Variants in RAVER2 observed in about 807,000 individuals in gnomAD.
RAVER2 encodes ribonucleoprotein PTB-binding 2.
A neutral mutation model predicts 78.1 loss-of-function variants in RAVER2; 46 were observed. The observed-to-expected ratio is 0.59, with a 90% confidence interval of 0.46 to 0.75. RAVER2 has a LOEUF of 0.75. Among genes scored for constraint, RAVER2 ranks in the 30% least tolerant of loss-of-function variants. The pLI, the probability that RAVER2 is intolerant of heterozygous loss-of-function variation, is 0.00. For synonymous variants in RAVER2, 311 were observed against 313.3 expected, an observed-to-expected ratio of 0.99 and a Z score of 0.08; for missense variants, 793 against 837.5, an observed-to-expected ratio of 0.95 and a Z score of 0.66.
At chr1:64,784,476 AT>A (rs909031925) in intron 4 of RAVER2, among the ~76,000 whole-genome samples, 23 of 151,782 alleles carry the variant, frequency 1.5e-4, no homozygotes, top group African/African-American at 5.1e-4. Flanking sequence ...TCCCTAACTT[AT>A]TTTTTCCCCC....
intron 3 of RAVER2, among the ~76,000 whole-genome samples, chr1:64,780,680 T>C (rs752292279): frequency 3.2e-4 from 49 of 152,216 alleles, no homozygotes; most frequent in Non-Finnish European, 5.0e-4. Flanking sequence ...TAGTGTCTTA[T>C]CTTGTTCTTA....
chr1:64,781,656 T>C, intron 4 of RAVER2, 85 bp downstream of exon 4: 1 of 1,288,308 alleles, frequency 7.8e-7, no homozygotes, highest in Non-Finnish European at 1.0e-6. Context: ...GCCAAAGTAA[T>C]TGATTGTCGA....
chr1:64,789,465 G>A (rs781033299), exon 5 of RAVER2: 13 of 1,609,574 alleles, frequency 8.1e-6, no homozygotes, highest in South Asian at 1.1e-5. Flanking sequence ...ACCCTGCCAT[G>A]TTGCAAGTTC....
chr1:64,762,682 A>C (rs1373643696), intron 1 of RAVER2, among the ~76,000 whole-genome samples: 2 of 152,152 alleles, frequency 1.3e-5, no homozygotes, highest in Non-Finnish European at 2.9e-5. Flanking sequence ...TATTCAAATC[A>C]AAAAAATTGA....
chr1:64,774,226 G>A (rs1271331061), intron 2 of RAVER2, among the ~76,000 whole-genome samples: 1 of 152,036 alleles, frequency 6.6e-6, no homozygotes, highest in Non-Finnish European at 1.5e-5. Flanking sequence ...CATTGCTTTT[G>A]GTGTTTTAGT....
At chr1:64,780,999 T>C (rs939711500) in intron 3 of RAVER2, among the ~76,000 whole-genome samples, 8 of 152,206 alleles carry the variant, frequency 5.3e-5, no homozygotes, top group African/African-American at 1.9e-4. Flanking sequence ...GTCAAATAAT[T>C]TGTTCAGTAT....
intron 2 of RAVER2, among the ~76,000 whole-genome samples, chr1:64,768,933 C>T (rs1247200031): frequency 6.6e-6 from 1 of 151,950 alleles, no homozygotes; most frequent in Non-Finnish European, 1.5e-5. Context: ...TTACTAGAGA[C>T]TTATGAATTT....
In RAVER2 at chr1:64,758,995, T is replaced by A. The variant is rs111242811; in HGVS notation, c.250-9661T>A. On this transcript the variant is annotated intron_variant, in intron 1 of 11. Transcript: ENST00000294428. ...CTTTGGATGGATGACTATCTAAATC[T>A]ATCTCTTGAAGATTAAAGCCCTCTT... Among the ~76,000 whole-genome samples the A allele has an allele frequency of 4.8e-3, 725 of 151,866 alleles. 9 individuals carry two copies. The highest frequency in any genetic ancestry group is 0.017 in the African/African-American group (691 of 41,494).
intron 11 of RAVER2, among the ~76,000 whole-genome samples, chr1:64,825,058 A>G (rs1209868638): frequency 1.3e-5 from 2 of 152,100 alleles, no homozygotes; most frequent in Non-Finnish European, 1.5e-5. Flanking sequence ...TGAGAGGCAA[A>G]TATGAATATG....
At chr1:64,817,014 G>T (rs1005834758) in intron 11 of RAVER2, among the ~76,000 whole-genome samples, 4 of 152,060 alleles carry the variant, frequency 2.6e-5, no homozygotes, top group African/African-American at 9.7e-5. Context: ...TCTGACAAAG[G>T]GCTAATACCC....
chr1:64,830,931 G>C, exon 12 of RAVER2: 1 of 1,613,810 alleles, frequency 6.2e-7, no homozygotes, highest in Non-Finnish European at 8.5e-7. Flanking sequence ...AGCATTCTCA[G>C]GGCACAGGAG....
At chr1:64,784,018 A>C (rs1652709551) in intron 4 of RAVER2, among the ~76,000 whole-genome samples, 1 of 152,244 alleles carries the variant, frequency 6.6e-6, no homozygotes, top group African/African-American at 2.4e-5. Context: ...TTAAGTTAAC[A>C]GGGGTTTTTA....
At position 64,745,174 on chromosome 1, in the gene RAVER2, TGGCGGCGGCGGCGGGAGAC is replaced by T. The variant is rs1400765060; in HGVS notation, c.13_31del (p.Ala5_?11). The T allele has an allele frequency of 9.8e-7, 1 of 1,016,004 alleles. No homozygotes were observed. Among genetic ancestry groups the T allele is most frequent in the Non-Finnish European group, 1.2e-6 (1 of 851,882 alleles). 62.9% of individuals were successfully genotyped at this position (1,016,004 alleles called of 1,614,324 possible). The stretch of plus-strand genomic sequence containing the variant: ...CGCAGCCGCTGGGCGCCCGGGAAGA[TGGCGGCGGCGGCGGGAGAC>T]GGCGGCGGCGAGGGGGGCGCGGGCC... On this transcript the variant is annotated frameshift_variant and start_lost, in exon 1 of 12. Coordinates refer to ENST00000294428, the Ensembl canonical transcript of RAVER2. LOFTEE classifies it high-confidence loss of function. This position sits in a 1 kb window ranked among gnomAD's most constrained non-coding sequence, Gnocchi z 4.3.
intron 5 of RAVER2, among the ~76,000 whole-genome samples, chr1:64,795,190 A>G (rs1277237174): frequency 6.6e-6 from 1 of 152,126 alleles, no homozygotes; most frequent in East Asian, 1.9e-4. Context: ...CTGTCTTTAT[A>G]TCAATACTGT....
intron 4 of RAVER2, among the ~76,000 whole-genome samples, chr1:64,782,892 C>T (rs148212332): frequency 6.6e-6 from 1 of 152,260 alleles, no homozygotes; most frequent in East Asian, 1.9e-4. Context: ...CCCCCTACCC[C>T]GCGACAGGCC....
At chr1:64,759,174 A>G (rs191266998) in intron 1 of RAVER2, among the ~76,000 whole-genome samples, 1 of 151,574 alleles carries the variant, frequency 6.6e-6, no homozygotes, top group East Asian at 1.9e-4. Context: ...AGGTGTAAGT[A>G]TATTTTCAGG....
At chr1:64,831,131 A>G (rs1654117445) in exon 12 of RAVER2, 1 of 794,176 alleles carries the variant, frequency 1.3e-6, no homozygotes, top group Non-Finnish European at 1.9e-6. Flanking sequence ...GCAGGCAGAA[A>G]TGCCAAATAA....
rs145595918 is a variant in RAVER2 at position 64,799,961 on chromosome 1, G to A, written c.1106-3015G>A. On this transcript the variant is annotated intron_variant, in intron 5 of 11. Coordinates refer to ENST00000294428, the Ensembl canonical transcript of RAVER2. Reference sequence around the variant, plus strand: ...ATAATTAGAATTAGCTGTTCTAATTGGGGTGAGATGGTATCTTATTGTGGT... The same window carrying A: ...ATAATTAGAATTAGCTGTTCTAATTAGGGTGAGATGGTATCTTATTGTGGT... Among the ~76,000 whole-genome samples, 10 of 152,194 alleles carry A rather than the reference G, an allele frequency of 6.6e-5. No individual in the cohort carries two copies. The East Asian group carries it at 1.7e-3, about 26-fold the overall frequency.
rs371978114 is a variant in RAVER2 at position 64,752,079 on chromosome 1, G to A, written c.249+6658G>A. 2.6e-5 allele frequency among the ~76,000 whole-genome samples: 4 copies of A among 152,188 alleles called. No individual in the cohort carries two copies. In the East Asian group the frequency reaches 7.7e-4, roughly 29 times the overall value. ...ATGATTATGGGCAGGATAGCCCTTG[G>A]TGGTTGTGCTGAATAGCTTCCATTT... On this transcript the variant is annotated intron_variant, in intron 1 of 11. Transcript: ENST00000294428.
Sources: gnomAD v4.1 joint callset for allele counts (sites outside exome capture counted in the v4.1 genomes callset) on GRCh38, gnomAD v4.1.1 for gene constraint, Gnocchi (gnomAD v3.1) non-coding constraint, MANE v1.5 for transcripts, NCBI Gene and HGNC (gene_info 2026-07-23, HGNC 2026-07-21) for gene names.